Variants in ZEB1 observed in about 807,000 individuals in gnomAD.
ZEB1 encodes zinc finger E-box-binding homeobox 1.
ZEB1 carries 21 observed loss-of-function variants against 84.9 expected under a neutral mutation model. The observed-to-expected ratio is 0.25, with a 90% CI of 0.18 to 0.36. ZEB1 has a LOEUF of 0.36. ZEB1 is among the 10% of genes least tolerant of loss of function. The probability of loss-of-function intolerance (pLI) is 1.00; values close to 1 mark genes in which losing one functional copy is unlikely to be tolerated. For synonymous variants in ZEB1, 420 were observed against 471.1 expected (o/e 0.89, Z 1.41); for missense variants, 1,104 against 1,330.2 (o/e 0.83, Z 2.65).
At chr10:31,389,727 TAAG>T (rs2049278090) in intron 1 of ZEB1, 1 of 152,116 alleles carries the variant, frequency 6.6e-6, no homozygotes, top group Non-Finnish European at 1.5e-5. Context: ...ATGGCCATAT[TAAG>T]AAAATAAAAA....
At chr10:31,484,673 A>T (rs2065489977) in intron 2 of ZEB1, among the ~76,000 whole-genome samples, 1 of 151,908 alleles carries the variant, frequency 6.6e-6, no homozygotes, top group Non-Finnish European at 1.5e-5. Flanking sequence ...CCTATACTGT[A>T]TGTGGGCTGG....
At chr10:31,494,070 TAGA>T (rs943811085) in intron 2 of ZEB1, among the ~76,000 whole-genome samples, 4 of 152,178 alleles carry the variant, frequency 2.6e-5, no homozygotes, top group African/African-American at 9.6e-5. Context: ...ATTTTCATTT[TAGA>T]AGAATAAGGA....
intron 1 of ZEB1, chr10:31,321,530 A>G: frequency 6.2e-7 from 1 of 1,613,990 alleles, no homozygotes; most frequent in Non-Finnish European, 8.5e-7. Context: ...GGCTTTATGA[A>G]AGGTAAGTTG....
At chr10:31,353,925 T>G (rs552782870) in intron 1 of ZEB1, among the ~76,000 whole-genome samples, 2 of 152,324 alleles carry the variant, frequency 1.3e-5, no homozygotes, top group South Asian at 4.1e-4. Flanking sequence ...CTTAAAACAG[T>G]ATCAGCAAAA....
At chr10:31,430,695 T>A (rs546815443) in intron 1 of ZEB1, among the ~76,000 whole-genome samples, 1 of 152,328 alleles carries the variant, frequency 6.6e-6, no homozygotes, top group African/African-American at 2.4e-5. Flanking sequence ...AATAAATTGC[T>A]ACACATTTAC....
intron 5 of ZEB1, 125 bp downstream of exon 5, chr10:31,511,000 C>A: frequency 1.1e-6 from 1 of 911,476 alleles, no homozygotes; most frequent in Non-Finnish European, 1.7e-6. Flanking sequence ...ATATCTGCAG[C>A]CTTATAAAAG....
chr10:31,362,825 C>T (rs2043558420), intron 1 of ZEB1: 1 of 940,850 alleles, frequency 1.1e-6, no homozygotes, highest in African/African-American at 1.6e-5. Flanking sequence ...CCACGCCTGC[C>T]CTGCCGTGTC....
chr10:31,322,422 G>A (rs2034361652), intron 1 of ZEB1, among the ~76,000 whole-genome samples: 1 of 152,210 alleles, frequency 6.6e-6, no homozygotes, highest in Non-Finnish European at 1.5e-5. Flanking sequence ...TGTAAATAAT[G>A]TTTTATTCAT....
chr10:31,452,187 C>G (rs1016194535), intron 1 of ZEB1, among the ~76,000 whole-genome samples: 1 of 151,996 alleles, frequency 6.6e-6, no homozygotes, highest in African/African-American at 2.4e-5. Context: ...TTACTAAAAT[C>G]TAACATGTTC....
chr10:31,478,405 G>C (rs1057409490), intron 2 of ZEB1, among the ~76,000 whole-genome samples: 6 of 151,968 alleles, frequency 3.9e-5, no homozygotes, highest in African/African-American at 1.4e-4. Flanking sequence ...CTGTTGGTGG[G>C]AATGCAAATT....
At chr10:31,482,765 G>A (rs1395080310) in intron 2 of ZEB1, among the ~76,000 whole-genome samples, 1 of 151,788 alleles carries the variant, frequency 6.6e-6, no homozygotes, top group African/African-American at 2.4e-5. Context: ...AAAAAAGTTG[G>A]AATTTTCAAA....
chr10:31,478,087 G>T (rs1057054103), intron 2 of ZEB1, among the ~76,000 whole-genome samples: 2 of 151,968 alleles, frequency 1.3e-5, no homozygotes, highest in African/African-American at 2.4e-5. Context: ...CAGAATGAGA[G>T]AAAACATTTG....
intron 1 of ZEB1, among the ~76,000 whole-genome samples, chr10:31,453,533 G>A (rs913057713): frequency 1.3e-5 from 2 of 152,252 alleles, no homozygotes; most frequent in African/African-American, 4.8e-5. Context: ...TTAAGAAACA[G>A]ATATTTACAT....
At chr10:31,492,712 T>A (rs1477187066) in intron 2 of ZEB1, among the ~76,000 whole-genome samples, 5 of 151,914 alleles carry the variant, frequency 3.3e-5, no homozygotes, top group African/African-American at 1.2e-4. Flanking sequence ...AATACAAGTT[T>A]TTGAATTTAA....
At chr10:31,338,713 A>G (rs1367718984) in intron 1 of ZEB1, among the ~76,000 whole-genome samples, 2 of 152,194 alleles carry the variant, frequency 1.3e-5, no homozygotes, top group Non-Finnish European at 2.9e-5. Flanking sequence ...CCGTACGTTC[A>G]TGAGATGAGA....
intron 1 of ZEB1, among the ~76,000 whole-genome samples, chr10:31,366,347 T>G (rs1402642435): frequency 6.6e-6 from 1 of 152,160 alleles, no homozygotes; most frequent in Admixed American, 6.5e-5. Context: ...AAAGACAGGG[T>G]CTTGCTGTGT....
chr10:31,372,390 A>G (rs541622898), intron 1 of ZEB1, among the ~76,000 whole-genome samples: 1 of 152,184 alleles, frequency 6.6e-6, no homozygotes, highest in Non-Finnish European at 1.5e-5. Flanking sequence ...CCCAATAATC[A>G]TAAAGCCTAT....
rs1393017108 is a variant in ZEB1 at position 31,514,631 on chromosome 10, G to A, written c.716G>A (p.Arg239His). The change falls in exon 6 of 9, where the codon CGT becomes CAT. Residue 239 changes from arginine to histidine, a missense_variant. By Grantham distance (29) the Arg-to-His change is conservative (BLOSUM62 0). Coordinates refer to ENST00000424869, the MANE Select transcript of ZEB1 (RefSeq NM_001174096.2). ...QRHVTQSGCN[R>H]KFKCTECGKA... ...CATGTGACGCAGTCTGGGTGTAATCGTAAATTCAAATGCACTGAGTGTGGA... is the reference window on the plus strand; with the variant it reads ...CATGTGACGCAGTCTGGGTGTAATCATAAATTCAAATGCACTGAGTGTGGA... 5 of 1,612,596 alleles carry A rather than the reference G, an allele frequency of 3.1e-6. No individual in the cohort carries two copies. The highest frequency in any genetic ancestry group is 4.2e-6 in the Non-Finnish European group (5 of 1,178,988).
chr10:31,454,776 G>T (rs559560241), intron 1 of ZEB1, among the ~76,000 whole-genome samples: 21 of 152,280 alleles, frequency 1.4e-4, no homozygotes, highest in African/African-American at 5.1e-4. Flanking sequence ...ACAACAAATG[G>T]AAAAACATTC....
Sources: gnomAD v4.1 joint callset for allele counts (sites outside exome capture counted in the v4.1 genomes callset) on GRCh38, gnomAD v4.1.1 for gene constraint, MANE v1.5 for transcripts, NCBI Gene and HGNC (gene_info 2026-07-23, HGNC 2026-07-21) for gene names.